The following RAB19 variants were observed in gnomAD, a reference collection of about 807,000 sequenced individuals.
RAB19 encodes ras-related protein Rab-19.
RAB19 carries 21 observed loss-of-function variants against 17.3 expected under a neutral mutation model. That is an observed-to-expected ratio of 1.21 (90% CI 0.86 to 1.74). RAB19 has a LOEUF of 1.74. RAB19 is among the 40% of genes most tolerant of loss of function. The pLI, the probability that RAB19 is intolerant of heterozygous loss-of-function variation, is 0.00. For synonymous variants in RAB19, 126 were observed against 110.4 expected (o/e 1.14, Z -0.88); for missense variants, 277 against 286.8 (o/e 0.97, Z 0.25).
rs1362522510 is a variant in RAB19, at chr7:140,426,848, T to C, written c.*698T>C. Among the ~76,000 whole-genome samples the C allele has an allele frequency of 6.7e-5, 10 of 149,046 alleles. No individual in the cohort carries two copies. Among genetic ancestry groups the C allele is most frequent in the Admixed American group, 2.0e-4 (3 of 14,954 alleles). Reference sequence around the variant, plus strand: ...GCAATTTTTTTTCTTTCTTTTTTTTTTTTTTTTTTTTGAGACAGGGTCATA... The same window carrying C: ...GCAATTTTTTTTCTTTCTTTTTTTTCTTTTTTTTTTTGAGACAGGGTCATA... On this transcript the variant is annotated 3_prime_UTR_variant, in exon 4 of 4. Coordinates refer to ENST00000537763, the MANE Select transcript of RAB19 (RefSeq NM_001008749.3).
intron 2 of RAB19, 43 bp from the exon 3 acceptor site, chr7:140,411,831 G>A (rs376274573): frequency 3.7e-6 from 6 of 1,613,984 alleles, no homozygotes; most frequent in Middle Eastern, 1.6e-4. Flanking sequence ...CCCATTACCT[G>A]TGGGAACCCC....
intron 3 of RAB19, among the ~76,000 whole-genome samples, chr7:140,417,541 C>T (rs1799482471): frequency 6.6e-6 from 1 of 152,164 alleles, no homozygotes; most frequent in Non-Finnish European, 1.5e-5. Flanking sequence ...AGAAGCAGAG[C>T]TCAGCCCAGA....
intron 3 of RAB19, among the ~76,000 whole-genome samples, chr7:140,414,553 C>T (rs71543374): frequency 7.9e-5 from 12 of 152,198 alleles, no homozygotes; most frequent in Non-Finnish European, 1.5e-4. Context: ...GCATCTCTGC[C>T]TCACTTCTTC....
rs1391781619 is a variant in RAB19 at position 140,405,066 on chromosome 7, T to G, written c.-24+849T>G. On this transcript the variant is annotated intron_variant, in intron 1 of 3. Coordinates refer to ENST00000537763, the MANE Select transcript of RAB19 (RefSeq NM_001008749.3). ...AGGTGGACATTTAAGCCAGGGATGC[T>G]GATGGTGGGAGTAAGTTTCAGGTAG... is the stretch of plus-strand genomic sequence containing the variant. Among the ~76,000 whole-genome samples the G allele has an allele frequency of 3.3e-5, 5 of 152,184 alleles. No individual in the cohort carries two copies. The South Asian group carries it at 1.0e-3, about 32-fold the overall frequency.
intron 3 of RAB19, among the ~76,000 whole-genome samples, chr7:140,417,419 A>AG (rs1799480578): frequency 6.8e-6 from 1 of 146,732 alleles, no homozygotes; most frequent in Non-Finnish European, 1.5e-5. Context: ...AAAAAAAAAA[A>AG]TCAAATCCAC....
intron 1 of RAB19, 83 bp from the exon 2 acceptor site, chr7:140,407,541 A>T: frequency 2.2e-6 from 2 of 929,790 alleles, no homozygotes; most frequent in Non-Finnish European, 3.4e-6. Flanking sequence ...AGGATGTAGC[A>T]CTGTGAAGGT....
chr7:140,410,622 G>T (rs187725651), intron 2 of RAB19, among the ~76,000 whole-genome samples: 220 of 151,788 alleles, frequency 1.4e-3, no homozygotes, highest in African/African-American at 5.0e-3. Context: ...CACCGCGCCC[G>T]GCCTTTTTGT....
intron 3 of RAB19, among the ~76,000 whole-genome samples, chr7:140,416,576 T>G (rs1380229637): frequency 6.6e-6 from 1 of 152,142 alleles, no homozygotes; most frequent in Non-Finnish European, 1.5e-5. Context: ...TTTAATGTTC[T>G]GTGTGTCTGT....
At chr7:140,410,917 G>T in intron 2 of RAB19, 2 of 1,367,352 alleles carry the variant, frequency 1.5e-6, no homozygotes, top group Non-Finnish European at 2.0e-6. Context: ...AATTTGGGAG[G>T]TATTATTGTG....
intron 3 of RAB19, among the ~76,000 whole-genome samples, chr7:140,421,222 A>G (rs1208748466): frequency 6.6e-6 from 1 of 151,072 alleles, no homozygotes; most frequent in Non-Finnish European, 1.5e-5. Flanking sequence ...GATAGGGTCC[A>G]ACTCTGTCAC....
Position 140,415,343 on chromosome 7 carries a change from G to A in RAB19, c.385+3286G>A, listed in dbSNP as rs57402050. Among the ~76,000 whole-genome samples, 1,011 of 152,176 alleles carry A rather than the reference G, an allele frequency of 6.6e-3. 11 individuals carry two copies. Among genetic ancestry groups the A allele is most frequent in the African/African-American group, 0.023 (954 of 41,516 alleles). ...ACACACCTCGCCTCCCAAAGTGCTG[G>A]GATTGCAGGGAGCCAACCTTTTTTG... On this transcript the variant is annotated intron_variant, in intron 3 of 3. Coordinates refer to ENST00000537763, the MANE Select transcript of RAB19 (RefSeq NM_001008749.3).
chr7:140,408,342 C>T (rs1293454931), intron 2 of RAB19, among the ~76,000 whole-genome samples: 1 of 151,808 alleles, frequency 6.6e-6, no homozygotes, highest in African/African-American at 2.4e-5. Flanking sequence ...TTAAATGAGA[C>T]ACGAACCCAG....
At chr7:140,408,542 T>A (rs898480454) in intron 2 of RAB19, among the ~76,000 whole-genome samples, 2 of 151,928 alleles carry the variant, frequency 1.3e-5, no homozygotes, top group Non-Finnish European at 2.9e-5. Flanking sequence ...GGAGCACAGT[T>A]TCAGCTCACT....
chr7:140,407,928 G>A (rs1240013723), intron 2 of RAB19, 81 bp downstream of exon 2: 9 of 1,054,508 alleles, frequency 8.5e-6, no homozygotes, highest in Admixed American at 5.4e-5. Context: ...AGTCTCGCGC[G>A]ATCTCGGCTC....
intron 2 of RAB19, among the ~76,000 whole-genome samples, chr7:140,410,248 T>C (rs954036258): frequency 6.7e-5 from 10 of 148,488 alleles, no homozygotes; most frequent in African/African-American, 2.5e-4. Flanking sequence ...TCCTCCTGCC[T>C]CAGTCTCCCA....
rs768672408 is a variant in RAB19, at chr7:140,425,935, A to T, written c.439A>T (p.Thr147Ser). 9.9e-6 allele frequency: 16 copies of T among 1,614,222 alleles called. No homozygotes were observed. Among genetic ancestry groups the T allele is most frequent in the Non-Finnish European group, 1.0e-5 (12 of 1,180,040 alleles). ...KRHVLFEDAC[T>S]LAEKYGLLAV... Reference sequence around the variant, plus strand: ...GCACGTCCTGTTCGAGGATGCCTGCACACTGGCTGAGAAGTACGGCCTCCT... The same window carrying T: ...GCACGTCCTGTTCGAGGATGCCTGCTCACTGGCTGAGAAGTACGGCCTCCT... Residue 147 changes from threonine to serine, a missense_variant, in exon 4 of 4, where the codon ACA becomes TCA. Coordinates refer to ENST00000537763, the MANE Select transcript of RAB19 (RefSeq NM_001008749.3).
At chr7:140,418,845 T>C (rs978932480) in intron 3 of RAB19, among the ~76,000 whole-genome samples, 2 of 126,986 alleles carry the variant, frequency 1.6e-5, no homozygotes, top group Non-Finnish European at 3.2e-5. Context: ...GGTGACACAG[T>C]GAAACCCTGT....
chr7:140,410,981 G>C (rs2971689), intron 2 of RAB19: 182,972 of 1,367,616 alleles, frequency 0.13, 13,275 homozygotes, highest in South Asian at 0.2. Flanking sequence ...AGAACAGTTC[G>C]GCCAGTATTA....
chr7:140,421,660 G>C lies in RAB19; in HGVS notation c.386-4222G>C, dbSNP rs1236197115. On this transcript the variant is annotated intron_variant, in intron 3 of 3. Transcript: ENST00000537763. ...GTGTGAGCCACCATGCCCAGCCCCAGCTAGTTTTTTATTATGTTTTGTAGA... is the reference window on the plus strand; with the variant it reads ...GTGTGAGCCACCATGCCCAGCCCCACCTAGTTTTTTATTATGTTTTGTAGA... Among the ~76,000 whole-genome samples the C allele has an allele frequency of 3.3e-5, 5 of 152,028 alleles. No individual in the cohort carries two copies. In the East Asian group the frequency reaches 9.7e-4, roughly 29 times the overall value.
Sources: gnomAD v4.1 joint callset for allele counts (sites outside exome capture counted in the v4.1 genomes callset) on GRCh38, gnomAD v4.1.1 for gene constraint, MANE v1.5 for transcripts, NCBI Gene and HGNC (gene_info 2026-07-23, HGNC 2026-07-21) for gene names.